Variants in PRDM6 observed in about 807,000 individuals in gnomAD.
PRDM6 encodes the protein PR/SET domain 6.
Under a neutral mutation model 60.8 loss-of-function variants are expected in PRDM6, and 25 were observed. That is an observed-to-expected ratio of 0.41 (90% confidence interval 0.30 to 0.57). The LOEUF (loss-of-function observed/expected upper bound fraction) is 0.57, where lower values mean the gene tolerates loss of function less well. PRDM6 is among the 20% of genes least tolerant of loss of function. PRDM6 has a pLI of 0.27. For missense variants in PRDM6, 839 were observed against 821.3 expected (o/e 1.02, Z -0.26); for synonymous variants, 407 against 357.4 (o/e 1.14, Z -1.57).
intron 6 of PRDM6, among the ~76,000 whole-genome samples, chr5:123,176,806 T>A (rs1766023625): frequency 6.6e-6 from 1 of 152,218 alleles, no homozygotes; most frequent in African/African-American, 2.4e-5. Context: ...CTCAAGAATG[T>A]CAGTTCTTAA....
chr5:123,163,085 A>G (rs1443433502), intron 5 of PRDM6, among the ~76,000 whole-genome samples: 2 of 152,122 alleles, frequency 1.3e-5, no homozygotes, highest in African/African-American at 4.8e-5. Context: ...CTTGAGATCA[A>G]AGACTTTTTC....
intron 4 of PRDM6, among the ~76,000 whole-genome samples, chr5:123,158,185 G>A (rs1765549576): frequency 1.3e-5 from 2 of 152,328 alleles, no homozygotes; most frequent in South Asian, 2.1e-4. Flanking sequence ...TTTGCTGGGC[G>A]CAGTGTTTAT....
chr5:123,154,639 A>T (rs901027990), intron 3 of PRDM6, among the ~76,000 whole-genome samples: 1 of 152,220 alleles, frequency 6.6e-6, no homozygotes, highest in African/African-American at 2.4e-5. Context: ...CTAAACTAAT[A>T]TGAATGACCA....
intron 3 of PRDM6, among the ~76,000 whole-genome samples, chr5:123,121,396 T>C (rs757870843): frequency 1.7e-4 from 26 of 152,310 alleles, no homozygotes; most frequent in Non-Finnish European, 3.4e-4. Flanking sequence ...TTGTTTTGCT[T>C]TTTTGAGACA....
intron 3 of PRDM6, among the ~76,000 whole-genome samples, chr5:123,125,581 A>G (rs773875754): frequency 3.3e-5 from 5 of 152,066 alleles, no homozygotes; most frequent in African/African-American, 9.7e-5. Flanking sequence ...TACTCCTCCT[A>G]TGTGCTTGAT....
chr5:123,120,959 G>C (rs1223871512), intron 3 of PRDM6, among the ~76,000 whole-genome samples: 2 of 151,984 alleles, frequency 1.3e-5, no homozygotes, highest in Non-Finnish European at 2.9e-5. Context: ...ATAAATAGTG[G>C]GTACTTATTA....
At chr5:123,154,750 T>G (rs1344227038) in intron 3 of PRDM6, among the ~76,000 whole-genome samples, 1 of 152,022 alleles carries the variant, frequency 6.6e-6, no homozygotes, top group East Asian at 1.9e-4. Flanking sequence ...CTAGCAAGAG[T>G]GAGAGACACG....
intron 3 of PRDM6, among the ~76,000 whole-genome samples, chr5:123,116,438 C>T (rs785702): frequency 0.88 from 133,220 of 152,238 alleles, 58,766 homozygotes; most frequent in East Asian, 0.99. Flanking sequence ...TTTGCAAACT[C>T]GGCATCACCA....
intron 3 of PRDM6, among the ~76,000 whole-genome samples, chr5:123,128,254 C>T (rs2150221702): frequency 6.6e-6 from 1 of 152,262 alleles, no homozygotes; most frequent in Admixed American, 6.5e-5. Context: ...TTTATAGTAG[C>T]ATGATTTATA....
At chr5:123,106,236 G>C (rs951827932) in intron 3 of PRDM6, among the ~76,000 whole-genome samples, 1 of 152,200 alleles carries the variant, frequency 6.6e-6, no homozygotes, top group Non-Finnish European at 1.5e-5. Context: ...TATGTGTGGC[G>C]GGCTTAGGGA....
intron 6 of PRDM6, chr5:123,173,399 A>C (rs1765940038): frequency 6.0e-6 from 1 of 167,064 alleles, no homozygotes; most frequent in South Asian, 2.1e-4. Flanking sequence ...TCTAGGCGGC[A>C]TGAGACTCCT....
At chr5:123,138,192 C>T (rs1250673218) in intron 3 of PRDM6, among the ~76,000 whole-genome samples, 2 of 152,166 alleles carry the variant, frequency 1.3e-5, no homozygotes, top group Non-Finnish European at 2.9e-5. Context: ...AAAACAAGCA[C>T]ATGAGTGAAT....
At chr5:123,179,723 A>AT (rs1367321636) in intron 6 of PRDM6, among the ~76,000 whole-genome samples, 2 of 138,318 alleles carry the variant, frequency 1.4e-5, no homozygotes, top group African/African-American at 5.0e-5. Flanking sequence ...TATCATAAAG[A>AT]TTAAACTGGA....
At chr5:123,101,813 A>C (rs933233543) in intron 3 of PRDM6, among the ~76,000 whole-genome samples, 6 of 152,222 alleles carry the variant, frequency 3.9e-5, no homozygotes, top group Non-Finnish European at 8.8e-5. Context: ...GCATATTAAC[A>C]CTGAAAACTA....
intron 6 of PRDM6, among the ~76,000 whole-genome samples, chr5:123,179,562 C>A (rs1013517369): frequency 2.0e-5 from 3 of 152,292 alleles, no homozygotes; most frequent in Middle Eastern, 3.4e-3. Context: ...AACTTGCTGA[C>A]TTGCCTGTGT....
At chr5:123,152,408 A>T (rs1209764444) in intron 3 of PRDM6, among the ~76,000 whole-genome samples, 1 of 152,170 alleles carries the variant, frequency 6.6e-6, no homozygotes, top group African/African-American at 2.4e-5. Context: ...ATTTTTCAGA[A>T]GTTAGAAATC....
At chr5:123,166,740 G>A (rs1765761308) in intron 5 of PRDM6, among the ~76,000 whole-genome samples, 1 of 152,150 alleles carries the variant, frequency 6.6e-6, no homozygotes, top group Non-Finnish European at 1.5e-5. Context: ...ACGAGGAAGG[G>A]GTAAACTGAA....
In PRDM6 at chr5:123,140,841, A is replaced by G. The variant is rs1057258631; in HGVS notation, c.901-15043A>G. Among the ~76,000 whole-genome samples, 4 of 152,078 alleles carry G rather than the reference A, an allele frequency of 2.6e-5. No homozygotes were observed. The East Asian group carries it at 7.7e-4, about 29-fold the overall frequency. Reference sequence around the variant, plus strand: ...AGGCTTGTAAATGGCTTACTAATAAACAGAAGGCAAGTTGTTAATTCTTAA... The same window carrying G: ...AGGCTTGTAAATGGCTTACTAATAAGCAGAAGGCAAGTTGTTAATTCTTAA... On this transcript the variant is annotated intron_variant, in intron 3 of 7. Transcript: ENST00000407847.
intron 3 of PRDM6, among the ~76,000 whole-genome samples, chr5:123,123,264 A>G (rs1462598263): frequency 1.3e-5 from 2 of 152,298 alleles, no homozygotes; most frequent in East Asian, 3.9e-4. Flanking sequence ...ACCTGATTAT[A>G]TGCTTTCCAG....
Sources: allele counts gnomAD v4.1 joint callset (sites outside exome capture counted in the v4.1 genomes callset), GRCh38; gene constraint gnomAD v4.1.1; transcripts MANE v1.5; gene names NCBI Gene and HGNC (gene_info 2026-07-23, HGNC 2026-07-21).